VWA2: variants seen among roughly 807,000 people sequenced by gnomAD.
VWA2 encodes von Willebrand factor A domain-containing protein 2.
VWA2 carries 73 observed loss-of-function variants against 70.4 expected under a neutral mutation model. The observed-to-expected ratio is 1.04, with a 90% CI of 0.86 to 1.26. The LOEUF (loss-of-function observed/expected upper bound fraction) is 1.26. Among genes scored for constraint, VWA2 ranks in the 50% most tolerant of loss-of-function variants. VWA2 has a pLI of 0.00. For missense variants in VWA2, 1,011 were observed against 998.5 expected (o/e 1.01, Z -0.17); for synonymous variants, 407 against 423.3 (o/e 0.96, Z 0.47).
At chr10:114,287,334 C>T (rs781371373) in intron 11 of VWA2, among the ~76,000 whole-genome samples, 2 of 152,112 alleles carry the variant, frequency 1.3e-5, no homozygotes, top group Non-Finnish European at 2.9e-5. Flanking sequence ...GTGCACACCA[C>T]CATGCCCAGC....
intron 4 of VWA2, among the ~76,000 whole-genome samples, chr10:114,256,972 G>A (rs933833418): frequency 6.6e-5 from 10 of 151,756 alleles, no homozygotes; most frequent in African/African-American, 2.4e-4. Flanking sequence ...TCATTACTTG[G>A]ATGAGAGACT....
At chr10:114,272,154 T>C (rs1459115967) in intron 5 of VWA2, among the ~76,000 whole-genome samples, 2 of 152,214 alleles carry the variant, frequency 1.3e-5, no homozygotes, top group African/African-American at 4.8e-5. Context: ...TAGAGGACCA[T>C]TGGCATCCCG....
intron 3 of VWA2, among the ~76,000 whole-genome samples, chr10:114,254,373 C>T (rs932762146): frequency 6.6e-6 from 1 of 152,142 alleles, no homozygotes; most frequent in Non-Finnish European, 1.5e-5. Flanking sequence ...TGCCCAGCCT[C>T]AGTAAATCTT....
rs1447899425 is a variant in VWA2 at position 114,267,257 on chromosome 10, C to T, written c.372-5483C>T. On this transcript the variant is annotated intron_variant, in intron 5 of 13. Transcript: ENST00000392982. Reference sequence around the variant, plus strand: ...AGACTCTCCCGAGTAGCTGGGATTACAGGCACCCGCCACCATGCCCGGCTA... The same window carrying T: ...AGACTCTCCCGAGTAGCTGGGATTATAGGCACCCGCCACCATGCCCGGCTA... Among the ~76,000 whole-genome samples the T allele has an allele frequency of 4.6e-5, 7 of 151,694 alleles. No homozygotes were observed. The East Asian group carries it at 5.9e-4, about 13-fold the overall frequency.
rs1268776331 is a variant in VWA2 at position 114,262,089 on chromosome 10, A to G, written c.371+794A>G. On this transcript the variant is annotated intron_variant, in intron 5 of 13. Transcript: ENST00000392982. ...CGCCATTCAGGAGGGATCCGCCCCC[A>G]TGATCTAGACAACTTGTACTAGGCC... Among the ~76,000 whole-genome samples, 4 of 152,280 alleles carry G rather than the reference A, an allele frequency of 2.6e-5. No individual in the cohort carries two copies. The East Asian group carries it at 5.8e-4, about 22-fold the overall frequency.
At chr10:114,261,802 G>A (rs532113720) in intron 5 of VWA2, among the ~76,000 whole-genome samples, 41 of 152,252 alleles carry the variant, frequency 2.7e-4, no homozygotes, top group Non-Finnish European at 5.0e-4. Context: ...TTCTTGCATT[G>A]CTATAAAGAA....
In VWA2 at chr10:114,254,960, G is replaced by A. The variant is rs1317892366; in HGVS notation, c.173G>A (p.Gly58Glu). The A allele has an allele frequency of 6.2e-7, 1 of 1,613,210 alleles. No individual in the cohort carries two copies. The highest frequency in any genetic ancestry group is 2.2e-5 in the East Asian group (1 of 44,876). ...GTGGACATCATGTTTCTGTTAGATG[G>A]GTCTAACAGCGTCGGGAAAGGGAGC... is the stretch of plus-strand genomic sequence containing the variant. ...AAVDIMFLLD[G>E]SNSVGKGSFE... Residue 58 changes from glycine (G) to glutamate (E), a missense_variant, in exon 4 of 14, where the codon GGG (glycine) becomes GAG (glutamate). By Grantham distance (98) the Gly-to-Glu change is moderately conservative. Transcript: ENST00000392982.
chr10:114,264,068 G>A (rs1364502553), intron 5 of VWA2, among the ~76,000 whole-genome samples: 1 of 152,218 alleles, frequency 6.6e-6, no homozygotes, highest in Non-Finnish European at 1.5e-5. Flanking sequence ...TTTGTAAGTG[G>A]TGCCTGCCAC....
rs1048668036 is a variant in VWA2, at chr10:114,294,312, C to T, written c.*3075C>T. ...TAATGGAAAATACATATTTCTCAAA[C>T]TTTTACACTGATATATTCATAGTAT... is the stretch of plus-strand genomic sequence containing the variant. On this transcript the variant is annotated 3_prime_UTR_variant, in exon 14 of 14. Transcript: ENST00000392982. Among the ~76,000 whole-genome samples, 4 of 152,222 alleles carry T rather than the reference C, an allele frequency of 2.6e-5. No homozygotes were observed. The highest frequency in any genetic ancestry group is 2.1e-4 in the South Asian group (1 of 4,820).
At chr10:114,242,357 T>G (rs2133273407) in intron 1 of VWA2, among the ~76,000 whole-genome samples, 1 of 152,318 alleles carries the variant, frequency 6.6e-6, no homozygotes, top group African/African-American at 2.4e-5. Flanking sequence ...AGGCTCATGC[T>G]CAGGTATCCT....
rs2133746968 is a variant in VWA2, at chr10:114,291,469, G to A, written c.*232G>A. On this transcript the variant is annotated 3_prime_UTR_variant, in exon 14 of 14. Coordinates refer to ENST00000392982, the MANE Select transcript of VWA2 (RefSeq NM_001272046.2). ...GCAGCTGATGTCACCCACAAACGAT[G>A]TTGTTGAAAAGTTTTGATGTGTAAG... The A allele has an allele frequency of 1.9e-6, 1 of 534,650 alleles. No individual in the cohort carries two copies. The highest frequency in any genetic ancestry group is 3.2e-6 in the Non-Finnish European group (1 of 309,124). The allele number at this position is 534,650 out of a possible 1,614,324, so 33.1% of individuals were successfully genotyped here. A position where few individuals can be genotyped will look rare whatever the true frequency, so the allele number is the denominator to read the frequency against.
intron 1 of VWA2, chr10:114,246,299 A>G (rs947202781): frequency 1.6e-6 from 1 of 607,610 alleles, no homozygotes; most frequent in Non-Finnish European, 3.0e-6. Flanking sequence ...TCAGGAGTTC[A>G]AGACCAGCCT....
chr10:114,253,368 A>C (rs1378370473), intron 2 of VWA2, among the ~76,000 whole-genome samples: 3 of 92,436 alleles, frequency 3.2e-5, no homozygotes, highest in African/African-American at 4.6e-5. Context: ...CCAGGGACAA[A>C]AGTTTTCAGA....
At chr10:114,269,706 A>G (rs1215734097) in intron 5 of VWA2, among the ~76,000 whole-genome samples, 1 of 152,200 alleles carries the variant, frequency 6.6e-6, no homozygotes, top group Admixed American at 6.5e-5. Flanking sequence ...AGAAAAGAGT[A>G]TGGGGAACAA....
intron 1 of VWA2, among the ~76,000 whole-genome samples, chr10:114,247,578 C>T (rs2037099516): frequency 6.6e-6 from 1 of 151,836 alleles, no homozygotes; most frequent in African/African-American, 2.4e-5. Context: ...GGATTACAGA[C>T]AAGAGCCACC....
rs370448708 is a variant in VWA2 at position 114,248,709 on chromosome 10, T to A, written c.-5T>A. 6.2e-7 allele frequency: 1 copy of A among 1,613,194 alleles called. No individual in the cohort carries two copies. The highest frequency in any genetic ancestry group is 8.5e-7 in the Non-Finnish European group (1 of 1,179,276). The stretch of plus-strand genomic sequence containing the variant: ...CTTTTCCTGTGTCCCTGTAGTTATA[T>A]CAACATGCCCCCTTTCCTGTTGCTG... On this transcript the variant is annotated 5_prime_UTR_variant, in exon 2 of 14. Coordinates refer to ENST00000392982, the MANE Select transcript of VWA2 (RefSeq NM_001272046.2).
At position 114,292,455 on chromosome 10, in the gene VWA2, A is replaced by C. The variant is rs564953753; in HGVS notation, c.*1218A>C. On this transcript the variant is annotated 3_prime_UTR_variant, in exon 14 of 14. Coordinates refer to ENST00000392982, the MANE Select transcript of VWA2 (RefSeq NM_001272046.2). Reference sequence around the variant, plus strand: ...TTGATCTTACGCTGTCTAGGTTTTAATTTTGTTTTGCTTTGCTTTTCTACA... The same window carrying C: ...TTGATCTTACGCTGTCTAGGTTTTACTTTTGTTTTGCTTTGCTTTTCTACA... Among the ~76,000 whole-genome samples, 1 of 151,702 alleles carries C rather than the reference A, an allele frequency of 6.6e-6. No individual in the cohort carries two copies. The highest frequency in any genetic ancestry group is 1.9e-4 in the East Asian group (1 of 5,176).
intron 4 of VWA2, among the ~76,000 whole-genome samples, chr10:114,260,071 C>T (rs1224278656): frequency 6.6e-6 from 1 of 152,244 alleles, no homozygotes; most frequent in African/African-American, 2.4e-5. Context: ...ATATGACTCA[C>T]TTGGCCCATT....
In VWA2 at chr10:114,271,610, C is replaced by A. The variant is rs75861961; in HGVS notation, c.372-1130C>A. ...GTCAGACTTGCATGAGAAGTAAAAA[C>A]ACACACACACACACACACACACACA... is the stretch of plus-strand genomic sequence containing the variant. On this transcript the variant is annotated intron_variant, in intron 5 of 13. Coordinates refer to ENST00000392982, the MANE Select transcript of VWA2 (RefSeq NM_001272046.2). Among the ~76,000 whole-genome samples the A allele has an allele frequency of 9.8e-4, 127 of 129,348 alleles. 1 individual carries two copies. Among genetic ancestry groups the A allele is most frequent in the Non-Finnish European group, 1.6e-3 (96 of 59,276 alleles). 84.9% of individuals were successfully genotyped at this position (129,348 alleles called of 152,430 possible).
Sources: gnomAD v4.1 joint callset for allele counts (sites outside exome capture counted in the v4.1 genomes callset) on GRCh38, gnomAD v4.1.1 for gene constraint, MANE v1.5 for transcripts, NCBI Gene and HGNC (gene_info 2026-07-23, HGNC 2026-07-21) for gene names.